The following CA10 variants were observed in gnomAD, a reference collection of about 807,000 sequenced individuals.
CA10 encodes carbonic anhydrase-related protein 10.
Under a neutral mutation model 44.2 loss-of-function variants are expected in CA10, and 14 were observed. The observed-to-expected ratio is 0.32, with a 90% CI of 0.21 to 0.50. The LOEUF (loss-of-function observed/expected upper bound fraction) is 0.50, where lower values mean the gene tolerates loss of function less well. Among genes scored for constraint, CA10 ranks in the 20% least tolerant of loss-of-function variants. CA10 has a pLI of 0.99. For synonymous variants in CA10, 159 were observed against 141.6 expected, an observed-to-expected ratio of 1.12 and a Z score of -0.87; for missense variants, 350 against 409.7, an observed-to-expected ratio of 0.85 and a Z score of 1.26.
chr17:51,854,925 C>T (rs1370442407), intron 3 of CA10, among the ~76,000 whole-genome samples: 3 of 152,170 alleles, frequency 2.0e-5, no homozygotes, highest in Non-Finnish European at 4.4e-5. Flanking sequence ...CCCAATTTCA[C>T]AGAGGAGAAA....
chr17:52,140,645 G>T (rs1045166693), intron 1 of CA10, among the ~76,000 whole-genome samples: 1 of 152,160 alleles, frequency 6.6e-6, no homozygotes, highest in African/African-American at 2.4e-5. Context: ...CCCTGCTCTA[G>T]AGTTCCAAAG....
intron 4 of CA10, among the ~76,000 whole-genome samples, chr17:51,706,889 C>A (rs1915778155): frequency 6.6e-6 from 1 of 152,176 alleles, no homozygotes; most frequent in Admixed American, 6.5e-5. Context: ...TCATATGTCA[C>A]ATTCTAGCTG....
At chr17:52,091,189 G>A (rs898594135) in intron 1 of CA10, among the ~76,000 whole-genome samples, 1 of 152,196 alleles carries the variant, frequency 6.6e-6, no homozygotes, top group Non-Finnish European at 1.5e-5. Flanking sequence ...ACAACCAAAT[G>A]TTAAGTGAGG....
At chr17:52,021,032 T>C (rs1006055495) in intron 2 of CA10, among the ~76,000 whole-genome samples, 3 of 152,126 alleles carry the variant, frequency 2.0e-5, no homozygotes, top group African/African-American at 7.2e-5. Flanking sequence ...ATGTACCACA[T>C]TTTATTTATC....
At chr17:51,997,505 G>T (rs909818894) in intron 2 of CA10, among the ~76,000 whole-genome samples, 1 of 152,066 alleles carries the variant, frequency 6.6e-6, no homozygotes, top group African/African-American at 2.4e-5. Context: ...GTAGCTAAAT[G>T]GTTTCCAAGA....
At chr17:51,866,997 C>T (rs1184341928) in intron 3 of CA10, among the ~76,000 whole-genome samples, 1 of 151,824 alleles carries the variant, frequency 6.6e-6, no homozygotes, top group Non-Finnish European at 1.5e-5. Flanking sequence ...TTATGGATCC[C>T]CGGTATGAGG....
intron 4 of CA10, among the ~76,000 whole-genome samples, chr17:51,744,314 CA>C (rs35791301): frequency 0.088 from 9,924 of 112,866 alleles, 337 homozygotes; most frequent in African/African-American, 0.11. Flanking sequence ...GACTCCATCT[CA>C]AAAAAAAAAA....
intron 2 of CA10, among the ~76,000 whole-genome samples, chr17:51,963,615 G>A (rs1983973499): frequency 6.6e-6 from 1 of 152,134 alleles, no homozygotes; most frequent in African/African-American, 2.4e-5. Context: ...TCTATTTTTA[G>A]CACTTTTAAA....
rs765684317 is a variant in CA10 at position 52,072,393 on chromosome 17, G to A, written c.62C>T (p.Ala21Val). The A allele has an allele frequency of 1.9e-6, 3 of 1,611,446 alleles. No homozygotes were observed. Among genetic ancestry groups the A allele is most frequent in the East Asian group, 2.2e-5 (1 of 44,834 alleles). Residue 21 changes from alanine (A) to valine (V), a missense_variant and splice_region_variant, in exon 2 of 9, where the codon GCT becomes GTT. Transcript: ENST00000451037. ...ATGGATTTTTGGTGAATTCTGTTGA[G>A]CTAAAGGAAAAGCAAAGAAGAGAGA... Reference protein sequence around the residue: ...LQANFIVCISAQQNSPKIHEG... With the variant: ...LQANFIVCISVQQNSPKIHEG...
At chr17:51,974,514 T>A (rs1984394669) in intron 2 of CA10, among the ~76,000 whole-genome samples, 3 of 145,658 alleles carry the variant, frequency 2.1e-5, no homozygotes, top group Non-Finnish European at 3.0e-5. Flanking sequence ...AACAAAAAAC[T>A]GTAACAAAAA....
chr17:51,641,147 CTCAG>C (rs1178214361), intron 6 of CA10, among the ~76,000 whole-genome samples: 5 of 148,168 alleles, frequency 3.4e-5, no homozygotes, highest in East Asian at 2.0e-4. Context: ...CTCTCTCTCT[CTCAG>C]CTCTCTCTCT....
chr17:52,079,060 G>T (rs974102000), intron 1 of CA10, among the ~76,000 whole-genome samples: 1 of 152,188 alleles, frequency 6.6e-6, no homozygotes, highest in African/African-American at 2.4e-5. Flanking sequence ...GCCGGGGCAC[G>T]CGGATCACGA....
intron 2 of CA10, among the ~76,000 whole-genome samples, chr17:51,945,914 G>T (rs1235459990): frequency 6.6e-6 from 1 of 152,148 alleles, no homozygotes; most frequent in Non-Finnish European, 1.5e-5. Context: ...TGGGAATGAT[G>T]ATAGAAATTT....
At chr17:51,830,195 CAAAAAA>C (rs1220410518) in intron 3 of CA10, among the ~76,000 whole-genome samples, 6 of 89,984 alleles carry the variant, frequency 6.7e-5, no homozygotes, top group Admixed American at 1.0e-4. Flanking sequence ...GACTCCATCT[CAAAAAA>C]AAAAAAAAAA....
At chr17:51,678,649 C>T (rs1914714464) in intron 4 of CA10, among the ~76,000 whole-genome samples, 2 of 152,232 alleles carry the variant, frequency 1.3e-5, no homozygotes, top group South Asian at 4.1e-4. Context: ...AACTCAGTTG[C>T]TTCTAAGACA....
At chr17:52,125,796 A>G (rs992079460) in intron 1 of CA10, among the ~76,000 whole-genome samples, 10 of 151,852 alleles carry the variant, frequency 6.6e-5, no homozygotes, top group Admixed American at 1.3e-4. Context: ...CATTCTTCAC[A>G]GAGTGCTTCC....
intron 2 of CA10, among the ~76,000 whole-genome samples, chr17:51,960,228 T>A (rs1567900719): frequency 6.6e-6 from 1 of 151,860 alleles, no homozygotes; most frequent in Non-Finnish European, 1.5e-5. Context: ...CCTTTATAAA[T>A]AAGAGAGAAA....
chr17:52,043,246 T>C (rs1037701018), intron 2 of CA10, among the ~76,000 whole-genome samples: 3 of 152,126 alleles, frequency 2.0e-5, no homozygotes, highest in African/African-American at 7.2e-5. Flanking sequence ...TTGTGTCTTC[T>C]TCCATCAGCA....
chr17:51,726,004 T>G (rs59032453), intron 4 of CA10, among the ~76,000 whole-genome samples: 3,331 of 152,128 alleles, frequency 0.022, 131 homozygotes, highest in African/African-American at 0.076. Context: ...GTGAAAGTAG[T>G]GATGCTGGTG....
Sources: allele counts gnomAD v4.1 joint callset (sites outside exome capture counted in the v4.1 genomes callset), GRCh38; gene constraint gnomAD v4.1.1; transcripts MANE v1.5; gene names NCBI Gene and HGNC (gene_info 2026-07-23, HGNC 2026-07-21).